Variants in NKAIN2 observed in about 807,000 individuals in gnomAD.
The protein encoded by NKAIN2 is sodium/potassium transporting ATPase interacting 2, also known as sodium/potassium-transporting ATPase subunit beta-1-interacting protein 2.
In NKAIN2, 14 loss-of-function variants were observed where a neutral mutation model predicts 32.6. The observed-to-expected ratio is 0.43, with a 90% CI of 0.28 to 0.67. The LOEUF (loss-of-function observed/expected upper bound fraction) is 0.67, where lower values mean the gene tolerates loss of function less well. Ranked by LOEUF, NKAIN2 falls within the 30% of genes least tolerant of loss-of-function variation. The pLI, the probability that NKAIN2 is intolerant of heterozygous loss-of-function variation, is 0.17. For missense variants in NKAIN2, 198 were observed against 258.3 expected, an observed-to-expected ratio of 0.77 and a Z score of 1.60; for synonymous variants, 80 against 87.2, an observed-to-expected ratio of 0.92 and a Z score of 0.46.
At chr6:124,195,236 CAGTTCTACATT>C (rs1488190266) in intron 1 of NKAIN2, among the ~76,000 whole-genome samples, 1 of 151,866 alleles carries the variant, frequency 6.6e-6, no homozygotes, top group Admixed American at 6.6e-5. Context: ...TAGAGTAAAT[CAGTTCTACATT>C]AGTTGTGAGA....
At chr6:124,418,993 C>T (rs150889866) in intron 3 of NKAIN2, among the ~76,000 whole-genome samples, 2 of 152,202 alleles carry the variant, frequency 1.3e-5, no homozygotes, top group East Asian at 1.9e-4. Context: ...TAATGATTCT[C>T]TCTAAAATGA....
At chr6:124,676,690 C>A (rs572660486) in intron 4 of NKAIN2, among the ~76,000 whole-genome samples, 1 of 152,090 alleles carries the variant, frequency 6.6e-6, no homozygotes, top group African/African-American at 2.4e-5. Context: ...GCCTCAAAAT[C>A]GTGAGCTGAA....
intron 3 of NKAIN2, among the ~76,000 whole-genome samples, chr6:124,448,213 T>C: frequency 6.6e-6 from 1 of 152,144 alleles, no homozygotes; most frequent in South Asian, 2.1e-4. Context: ...TCTCCTTTAA[T>C]TCTATGATTA....
chr6:124,194,445 T>G (rs802284), intron 1 of NKAIN2, among the ~76,000 whole-genome samples: 85,995 of 151,768 alleles, frequency 0.57, 26,792 homozygotes, highest in Non-Finnish European at 0.7. Flanking sequence ...TTATATCTAC[T>G]CTGGCAATAT....
intron 1 of NKAIN2, among the ~76,000 whole-genome samples, chr6:124,133,817 A>C (rs531795140): frequency 6.6e-6 from 1 of 152,276 alleles, no homozygotes; most frequent in Non-Finnish European, 1.5e-5. Context: ...AGGCTAAAAT[A>C]AACATTAAAG....
chr6:124,616,028 T>TA (rs1456526896), intron 3 of NKAIN2, among the ~76,000 whole-genome samples: 3 of 152,190 alleles, frequency 2.0e-5, no homozygotes. Flanking sequence ...TTCTGCTGCT[T>TA]AGAGTTTTTT....
intron 1 of NKAIN2, among the ~76,000 whole-genome samples, chr6:123,982,964 C>T (rs1022577310): frequency 1.3e-5 from 2 of 151,766 alleles, no homozygotes; most frequent in Non-Finnish European, 2.9e-5. Context: ...TTCTTTCCTC[C>T]ATTCTTTCCT....
intron 1 of NKAIN2, among the ~76,000 whole-genome samples, chr6:123,880,306 G>A (rs2114323692): frequency 6.6e-6 from 1 of 152,298 alleles, no homozygotes; most frequent in Non-Finnish European, 1.5e-5. Context: ...GGTCTAGTGA[G>A]CCCTGCTGCT....
intron 2 of NKAIN2, among the ~76,000 whole-genome samples, chr6:124,336,749 C>G (rs1797887953): frequency 6.8e-6 from 1 of 148,040 alleles, no homozygotes; most frequent in Non-Finnish European, 1.5e-5. Context: ...TCTTGGCTTA[C>G]TGCAACCTCT....
chr6:123,956,110 C>T (rs562610710), intron 1 of NKAIN2, among the ~76,000 whole-genome samples: 123 of 150,988 alleles, frequency 8.1e-4, no homozygotes, highest in African/African-American at 2.8e-3. Flanking sequence ...TTAAACTTTA[C>T]GTAATTACAT....
At chr6:124,075,251 C>T (rs62435621) in intron 1 of NKAIN2, among the ~76,000 whole-genome samples, 25 of 152,068 alleles carry the variant, frequency 1.6e-4, no homozygotes, top group Non-Finnish European at 3.4e-4. Flanking sequence ...AGTTATGTGT[C>T]CCAGATAGAC....
intron 1 of NKAIN2, among the ~76,000 whole-genome samples, chr6:124,193,311 G>A (rs1790125630): frequency 6.6e-6 from 1 of 152,196 alleles, no homozygotes; most frequent in Non-Finnish European, 1.5e-5. Flanking sequence ...GGGTGTGTGA[G>A]TGAGCGAGCA....
chr6:124,599,759 C>T (rs1395613371), intron 3 of NKAIN2, among the ~76,000 whole-genome samples: 1 of 152,028 alleles, frequency 6.6e-6, no homozygotes, highest in Non-Finnish European at 1.5e-5. Flanking sequence ...CAAAGGAAGC[C>T]CAGCTGTGAA....
At position 124,736,179 on chromosome 6, in the gene NKAIN2, G is replaced by A. The variant is rs569037278; in HGVS notation, c.475-55160G>A. Among the ~76,000 whole-genome samples the A allele has an allele frequency of 5.3e-5, 8 of 152,040 alleles. No homozygotes were observed. In the East Asian group the frequency reaches 1.4e-3, roughly 26 times the overall value. Reference sequence around the variant, plus strand: ...CTTACTGCAGATATTGAGTGGTCAGGATAGATCAAAACAGCCACAAAATTC... The same window carrying A: ...CTTACTGCAGATATTGAGTGGTCAGAATAGATCAAAACAGCCACAAAATTC... On this transcript the variant is annotated intron_variant, in intron 4 of 6. Coordinates refer to ENST00000368417, the MANE Select transcript of NKAIN2 (RefSeq NM_001040214.3).
At chr6:124,298,591 A>G (rs1796160693) in intron 2 of NKAIN2, among the ~76,000 whole-genome samples, 1 of 152,188 alleles carries the variant, frequency 6.6e-6, no homozygotes, top group East Asian at 1.9e-4. Flanking sequence ...TATTGTCTAC[A>G]CTCAGGCATA....
At chr6:124,332,380 C>T (rs2753181) in intron 2 of NKAIN2, among the ~76,000 whole-genome samples, 127,909 of 152,080 alleles carry the variant, frequency 0.84, 53,926 homozygotes, top group African/African-American at 0.89. Context: ...ATGATTACTA[C>T]ACACGACACT....
chr6:124,702,759 C>T lies in NKAIN2; in HGVS notation c.474+44373C>T, dbSNP rs1007530992. ...CCAACTGCCAGCACAAATGCCCTGACATCGGTCATTACAATTCCACGCCCT... is the reference window on the plus strand; with the variant it reads ...CCAACTGCCAGCACAAATGCCCTGATATCGGTCATTACAATTCCACGCCCT... On this transcript the variant is annotated intron_variant, in intron 4 of 6. Transcript: ENST00000368417. Among the ~76,000 whole-genome samples the T allele has an allele frequency of 5.3e-5, 8 of 152,056 alleles. No individual in the cohort carries two copies. In the South Asian group the frequency reaches 8.3e-4, roughly 16 times the overall value.
chr6:124,134,985 A>C (rs371267970), intron 1 of NKAIN2, among the ~76,000 whole-genome samples: 65 of 152,162 alleles, frequency 4.3e-4, no homozygotes, highest in African/African-American at 1.6e-3. Flanking sequence ...TTGGGGTCCT[A>C]TCTTTAGACT....
intron 3 of NKAIN2, among the ~76,000 whole-genome samples, chr6:124,443,998 T>G (rs1269893903): frequency 6.6e-6 from 1 of 152,048 alleles, no homozygotes; most frequent in Non-Finnish European, 1.5e-5. Context: ...ATAGCAGAGT[T>G]TTGGTTTTAT....
Sources: gnomAD v4.1 joint callset for allele counts (sites outside exome capture counted in the v4.1 genomes callset) on GRCh38, gnomAD v4.1.1 for gene constraint, MANE v1.5 for transcripts, NCBI Gene and HGNC (gene_info 2026-07-23, HGNC 2026-07-21) for gene names.